ANP32A: variants seen among roughly 807,000 people sequenced by gnomAD.
The protein encoded by ANP32A is acidic leucine-rich nuclear phosphoprotein 32 family member A.
Under a neutral mutation model 33.9 loss-of-function variants are expected in ANP32A, and 1 was observed. The observed-to-expected ratio is 0.03, with a 90% CI of 0.01 to 0.14. The LOEUF (loss-of-function observed/expected upper bound fraction) is 0.14, where lower values mean the gene tolerates loss of function less well. Among genes scored for constraint, ANP32A ranks in the 10% least tolerant of loss-of-function variants. The pLI is 1.00. For synonymous variants in ANP32A, 115 were observed against 120.5 expected, an observed-to-expected ratio of 0.95 and a Z score of 0.30; for missense variants, 155 against 306.0, an observed-to-expected ratio of 0.51 and a Z score of 3.68.
chr15:68,802,338 TTCTC>T (rs1166429959), intron 1 of ANP32A, among the ~76,000 whole-genome samples: 2 of 152,332 alleles, frequency 1.3e-5, no homozygotes, highest in South Asian at 2.1e-4. Flanking sequence ...ATCTTATTTC[TTCTC>T]TCTTTTATTA....
In ANP32A at chr15:68,788,918, A is replaced by G. The variant is rs149437886; in HGVS notation, c.55-999T>C. On this transcript the variant is annotated intron_variant, in intron 1 of 6. Transcript: ENST00000465139. Reference sequence around the variant, plus strand: ...AACGAATAAAAAGCCACCCTCTCACAGGGTTGTTAAGAGGTAGACTTAGCT... The same window carrying G: ...AACGAATAAAAAGCCACCCTCTCACGGGGTTGTTAAGAGGTAGACTTAGCT... Among the ~76,000 whole-genome samples, 1,356 of 152,330 alleles carry G rather than the reference A, an allele frequency of 8.9e-3. 10 individuals carry two copies. Among genetic ancestry groups the G allele is most frequent in the Middle Eastern group, 0.027 (8 of 294 alleles).
At chr15:68,789,575 A>G (rs1893974965) in intron 1 of ANP32A, 1 of 152,570 alleles carries the variant, frequency 6.6e-6, no homozygotes, top group East Asian at 1.9e-4. Context: ...CAGAGTCCAC[A>G]TGAGGCCTGC....
chr15:68,786,787 T>C (rs1349901551), intron 3 of ANP32A, among the ~76,000 whole-genome samples: 1 of 152,140 alleles, frequency 6.6e-6, no homozygotes, highest in Admixed American at 6.6e-5. Flanking sequence ...TGTCTATCTC[T>C]ACAAGGATGA....
rs187338206 is a variant in ANP32A, at chr15:68,800,090, G to A, written c.55-12171C>T. ...TCACAAGGCTGTTAAGTGACCGTGGGCAAAGAGCTTCATACATAAAGAGTG... is the reference window on the plus strand; with the variant it reads ...TCACAAGGCTGTTAAGTGACCGTGGACAAAGAGCTTCATACATAAAGAGTG... On this transcript the variant is annotated intron_variant, in intron 1 of 6. Transcript: ENST00000465139. Among the ~76,000 whole-genome samples, 33 of 152,248 alleles carry A rather than the reference G, an allele frequency of 2.2e-4. 1 individual carries two copies. The highest frequency in any genetic ancestry group is 1.8e-3 in the Admixed American group (27 of 15,296).
intron 3 of ANP32A, 108 bp from the exon 4 acceptor site, chr15:68,784,703 G>T (rs1893911048): frequency 8.0e-7 from 1 of 1,256,468 alleles, no homozygotes; most frequent in South Asian, 1.3e-5. Context: ...CGCAGACCAT[G>T]ACTTCCAGGT....
At chr15:68,810,785 C>T (rs1249822413) in intron 1 of ANP32A, among the ~76,000 whole-genome samples, 1 of 152,070 alleles carries the variant, frequency 6.6e-6, no homozygotes, top group African/African-American at 2.4e-5. Context: ...CCCAGCCGGG[C>T]GCAGTGGCTC....
chr15:68,791,336 C>G (rs371484137), intron 1 of ANP32A: 7 of 152,356 alleles, frequency 4.6e-5, no homozygotes, highest in African/African-American at 1.7e-4. Flanking sequence ...AAATTTGTTA[C>G]GCTCTTCTTT....
intron 1 of ANP32A, among the ~76,000 whole-genome samples, chr15:68,797,396 C>G (rs1188082775): frequency 6.6e-6 from 1 of 152,154 alleles, no homozygotes; most frequent in African/African-American, 2.4e-5. Flanking sequence ...CAGCACTGCA[C>G]CCATGCAACA....
Position 68,780,333 on chromosome 15 carries a change from CCT to C in ANP32A, c.688+75_688+76del. 6.2e-7 allele frequency: 1 copy of C among 1,608,124 alleles called. No individual in the cohort carries two copies. Among genetic ancestry groups the C allele is most frequent in the South Asian group, 1.1e-5 (1 of 90,382 alleles). On this transcript the variant is annotated intron_variant, in intron 6 of 6. Coordinates refer to ENST00000465139, the MANE Select transcript of ANP32A (RefSeq NM_006305.4). This position sits in a 1 kb window ranked among gnomAD's most constrained non-coding sequence, Gnocchi z 4.3. ...GGAGTGTCCTGCCCACTGCCAGGGG[CCT>C]CTGAGTCTAAGCAATCTAAGGCCAA...
chr15:68,819,939 G>A (rs747925400), intron 1 of ANP32A, among the ~76,000 whole-genome samples: 166 of 152,298 alleles, frequency 1.1e-3, no homozygotes, highest in Non-Finnish European at 1.5e-3. Flanking sequence ...AGAAAGAGGA[G>A]GAGAGGAAGG....
intron 1 of ANP32A, among the ~76,000 whole-genome samples, chr15:68,814,689 G>C (rs928315063): frequency 6.6e-6 from 1 of 152,140 alleles, no homozygotes. Context: ...AGACGCTAGA[G>C]GGAAAAACTT....
chr15:68,818,956 C>T (rs1012525420), intron 1 of ANP32A, among the ~76,000 whole-genome samples: 4 of 152,134 alleles, frequency 2.6e-5, no homozygotes, highest in Admixed American at 2.6e-4. Flanking sequence ...GCGGCGCCCC[C>T]TCCTCTCCCG....
intron 1 of ANP32A, among the ~76,000 whole-genome samples, chr15:68,794,335 G>A (rs1179264273): frequency 2.6e-5 from 4 of 152,148 alleles, no homozygotes; most frequent in South Asian, 2.1e-4. Flanking sequence ...GCTTAAAACC[G>A]ACCCCTTTGG....
At chr15:68,808,359 CCTT>C (rs111435300) in intron 1 of ANP32A, among the ~76,000 whole-genome samples, 16,783 of 152,176 alleles carry the variant, frequency 0.11, 1,982 homozygotes, top group African/African-American at 0.29. Flanking sequence ...TAACCACACA[CCTT>C]CTTCCCTGCA....
At chr15:68,815,534 T>C (rs1196022408) in intron 1 of ANP32A, among the ~76,000 whole-genome samples, 1 of 152,230 alleles carries the variant, frequency 6.6e-6, no homozygotes, top group Non-Finnish European at 1.5e-5. Context: ...AACGTTTATA[T>C]GTACAAATAA....
At chr15:68,784,630 T>C (rs773192808) in intron 3 of ANP32A, 35 bp from the exon 4 acceptor site, 1 of 1,610,696 alleles carries the variant, frequency 6.2e-7, no homozygotes, top group Non-Finnish European at 8.5e-7. Flanking sequence ...CAGTAAGTGA[T>C]TTGTGGGAGG....
At chr15:68,815,560 T>C (rs1394334251) in intron 1 of ANP32A, among the ~76,000 whole-genome samples, 1 of 152,226 alleles carries the variant, frequency 6.6e-6, no homozygotes, top group Non-Finnish European at 1.5e-5. Context: ...AGCTCATGAC[T>C]GTACAAAAAT....
At chr15:68,808,897 G>A (rs1894275428) in intron 1 of ANP32A, among the ~76,000 whole-genome samples, 1 of 152,130 alleles carries the variant, frequency 6.6e-6, no homozygotes, top group East Asian at 1.9e-4. Flanking sequence ...AACACACTCT[G>A]CGGGCCTCTC....
intron 1 of ANP32A, among the ~76,000 whole-genome samples, chr15:68,799,953 G>C (rs1459615936): frequency 6.6e-6 from 1 of 152,172 alleles, no homozygotes; most frequent in African/African-American, 2.4e-5. Context: ...GAATCATAAA[G>C]AGACAGCTTT....
Sources: gnomAD v4.1 joint callset for allele counts (sites outside exome capture counted in the v4.1 genomes callset) on GRCh38, gnomAD v4.1.1 for gene constraint, Gnocchi (gnomAD v3.1) non-coding constraint, MANE v1.5 for transcripts, NCBI Gene and HGNC (gene_info 2026-07-23, HGNC 2026-07-21) for gene names.